Variants in FSTL5 observed in about 807,000 individuals in gnomAD.
FSTL5 encodes follistatin like 5, also known as follistatin-related protein 5.
In FSTL5, 62 loss-of-function variants were observed where a neutral mutation model predicts 89.1. That is an observed-to-expected ratio of 0.70 (90% CI 0.57 to 0.86). The LOEUF is 0.86. Ranked by LOEUF, FSTL5 falls within the 40% of genes least tolerant of loss-of-function variation. FSTL5 has a pLI of 0.00. For missense variants in FSTL5, 1,057 were observed against 1,001.6 expected (o/e 1.06, Z -0.75); for synonymous variants, 383 against 346.2 (o/e 1.11, Z -1.18).
At chr4:162,109,736 C>G (rs558532795) in intron 2 of FSTL5, among the ~76,000 whole-genome samples, 1 of 152,116 alleles carries the variant, frequency 6.6e-6, no homozygotes, top group South Asian at 2.1e-4. Context: ...ATCATGCATT[C>G]ATTTTTCTGC....
rs1043464446 is a variant in FSTL5 at position 161,464,457 on chromosome 4, C to T, written c.1609-5138G>A. Among the ~76,000 whole-genome samples the T allele has an allele frequency of 3.3e-5, 5 of 152,296 alleles. No homozygotes were observed. The South Asian group carries it at 6.2e-4, about 19-fold the overall frequency. Reference sequence around the variant, plus strand: ...CTCCTTCCCTGTGTGCATACCTCTTCTCCTCAGCTTTCCCAAGCCCTCCTG... The same window carrying T: ...CTCCTTCCCTGTGTGCATACCTCTTTTCCTCAGCTTTCCCAAGCCCTCCTG... On this transcript the variant is annotated intron_variant, in intron 13 of 15. Coordinates refer to ENST00000306100, the MANE Select transcript of FSTL5 (RefSeq NM_020116.5).
At chr4:161,830,795 A>G (rs1474581905) in intron 4 of FSTL5, among the ~76,000 whole-genome samples, 4 of 152,052 alleles carry the variant, frequency 2.6e-5, no homozygotes, top group African/African-American at 9.7e-5. Context: ...ATATAAAAAT[A>G]GAGAAGTAAA....
intron 3 of FSTL5, among the ~76,000 whole-genome samples, chr4:161,957,621 C>T (rs569495659): frequency 1.3e-5 from 2 of 152,054 alleles, no homozygotes; most frequent in Non-Finnish European, 2.9e-5. Flanking sequence ...AGAGCCAGAG[C>T]CATCCTAGAC....
At chr4:161,902,803 C>T (rs540844864) in intron 4 of FSTL5, among the ~76,000 whole-genome samples, 1 of 152,008 alleles carries the variant, frequency 6.6e-6, no homozygotes, top group African/African-American at 2.4e-5. Context: ...GAGCCGAGAT[C>T]GCGCCACTGC....
chr4:162,087,065 G>C (rs892321460), intron 2 of FSTL5, among the ~76,000 whole-genome samples: 3 of 152,020 alleles, frequency 2.0e-5, no homozygotes, highest in African/African-American at 7.2e-5. Context: ...AGAAATGCAA[G>C]CTTCTTATAA....
intron 11 of FSTL5, among the ~76,000 whole-genome samples, chr4:161,503,467 T>C (rs541311013): frequency 6.6e-6 from 1 of 151,980 alleles, no homozygotes; most frequent in African/African-American, 2.4e-5. Context: ...AAAGCATTTC[T>C]TAAATTTGGC....
intron 4 of FSTL5, among the ~76,000 whole-genome samples, chr4:161,802,628 G>C (rs1234091846): frequency 6.6e-6 from 1 of 151,424 alleles, no homozygotes; most frequent in Non-Finnish European, 1.5e-5. Flanking sequence ...TTTTGAATAC[G>C]ATTTAATGGT....
At chr4:161,719,035 C>T (rs778628791) in intron 6 of FSTL5, among the ~76,000 whole-genome samples, 7 of 152,010 alleles carry the variant, frequency 4.6e-5, no homozygotes, top group African/African-American at 9.7e-5. Context: ...ATATATTGAT[C>T]GAAATAATTA....
At chr4:161,789,047 T>A (rs1729361898) in intron 4 of FSTL5, among the ~76,000 whole-genome samples, 1 of 152,202 alleles carries the variant, frequency 6.6e-6, no homozygotes, top group African/African-American at 2.4e-5. Context: ...TTATGAGCAG[T>A]GGAAACAAAA....
chr4:161,652,447 A>G (rs1432008621), intron 7 of FSTL5, among the ~76,000 whole-genome samples: 1 of 152,090 alleles, frequency 6.6e-6, no homozygotes, highest in African/African-American at 2.4e-5. Flanking sequence ...CAAACAAACA[A>G]GCAAACAAAA....
intron 6 of FSTL5, among the ~76,000 whole-genome samples, chr4:161,680,448 T>C (rs924705107): frequency 6.6e-6 from 1 of 151,962 alleles, no homozygotes; most frequent in Non-Finnish European, 1.5e-5. Flanking sequence ...TATTATTTAA[T>C]ATGTTTAATA....
At chr4:161,934,562 G>C (rs1411836383) in intron 3 of FSTL5, among the ~76,000 whole-genome samples, 1 of 152,002 alleles carries the variant, frequency 6.6e-6, no homozygotes, top group Non-Finnish European at 1.5e-5. Context: ...TATTGCCTGA[G>C]TTTGAAACCT....
intron 7 of FSTL5, among the ~76,000 whole-genome samples, chr4:161,606,240 ATTTTT>A (rs71598720): frequency 2.5e-5 from 3 of 117,864 alleles, no homozygotes; most frequent in Admixed American, 9.2e-5. Context: ...ATTATCTGTG[ATTTTT>A]TTTTTTTTTT....
At chr4:161,996,914 T>C (rs1299118851) in intron 3 of FSTL5, among the ~76,000 whole-genome samples, 1 of 152,226 alleles carries the variant, frequency 6.6e-6, no homozygotes, top group East Asian at 1.9e-4. Flanking sequence ...GACAGGGAAA[T>C]CTTTTTTTAT....
At chr4:162,064,613 C>T (rs1243969429) in intron 2 of FSTL5, among the ~76,000 whole-genome samples, 1 of 152,012 alleles carries the variant, frequency 6.6e-6, no homozygotes, top group Non-Finnish European at 1.5e-5. Flanking sequence ...AACTTTCAGA[C>T]TGGAACTACA....
At chr4:162,042,226 TC>T (rs1737992499) in intron 2 of FSTL5, 1 of 152,072 alleles carries the variant, frequency 6.6e-6, no homozygotes, top group African/African-American at 2.4e-5. Flanking sequence ...AAAATATATT[TC>T]CCATTATGGG....
chr4:162,070,833 T>C (rs1367930667), intron 2 of FSTL5, among the ~76,000 whole-genome samples: 1 of 151,702 alleles, frequency 6.6e-6, no homozygotes, highest in Non-Finnish European at 1.5e-5. Context: ...AAAAGATAAA[T>C]AAAGCCTTTC....
intron 10 of FSTL5, among the ~76,000 whole-genome samples, chr4:161,513,618 G>A (rs1209934113): frequency 6.6e-6 from 1 of 152,114 alleles, no homozygotes; most frequent in African/African-American, 2.4e-5. Context: ...ACTGGGTAAA[G>A]AAAATGTGGA....
At chr4:161,906,833 C>A (rs998129785) in intron 4 of FSTL5, among the ~76,000 whole-genome samples, 5 of 152,016 alleles carry the variant, frequency 3.3e-5, no homozygotes, top group Non-Finnish European at 7.4e-5. Context: ...ATGGAAAGGG[C>A]ATGACATACT....
Sources: allele counts gnomAD v4.1 joint callset (sites outside exome capture counted in the v4.1 genomes callset), GRCh38; gene constraint gnomAD v4.1.1; transcripts MANE v1.5; gene names NCBI Gene and HGNC (gene_info 2026-07-23, HGNC 2026-07-21).